The following UBAP2L variants were observed in gnomAD, a reference collection of about 807,000 sequenced individuals.
UBAP2L encodes the protein ubiquitin associated protein 2 like.
In UBAP2L, 12 loss-of-function variants were observed where a neutral mutation model predicts 130.6. That is an observed-to-expected ratio of 0.09 (90% confidence interval 0.06 to 0.15). The LOEUF (loss-of-function observed/expected upper bound fraction) is 0.15. UBAP2L is among the 10% of genes least tolerant of loss of function. UBAP2L has a pLI of 1.00. For missense variants in UBAP2L, 965 were observed against 1,332.5 expected (o/e 0.72, Z 4.29); for synonymous variants, 503 against 524.7 (o/e 0.96, Z 0.57).
chr1:154,223,412 C>A (rs982954678), intron 1 of UBAP2L, among the ~76,000 whole-genome samples: 1 of 152,130 alleles, frequency 6.6e-6, no homozygotes, highest in Non-Finnish European at 1.5e-5. Context: ...TTAGAAACTT[C>A]ATCTTAGAGC....
At position 154,270,428 on chromosome 1, in the gene UBAP2L, C is replaced by G; in HGVS notation, c.*133C>G. On this transcript the variant is annotated 3_prime_UTR_variant, in exon 27 of 27. Transcript: ENST00000428931. ...CCACCCCCAGCGGCCCACCCCATGC[C>G]TCAGCTTCATGTCTGTCCCATTCCT... 2.0e-6 allele frequency: 3 copies of G among 1,535,444 alleles called. No homozygotes were observed. Among genetic ancestry groups the G allele is most frequent in the South Asian group, 1.2e-5 (1 of 83,084 alleles).
At position 154,235,186 on chromosome 1, in the gene UBAP2L, T is replaced by G; in HGVS notation, c.449-10T>G. On this transcript the variant is annotated splice_polypyrimidine_tract_variant and intron_variant, in intron 5 of 26. Coordinates refer to ENST00000428931, the MANE Select transcript of UBAP2L (RefSeq NM_014847.4). ...TGTTGTTGTTGTTTTAATTTTTATT[T>G]TTATTTCAGTTCGAGGTCAGGAAAA... 1.3e-6 allele frequency: 1 copy of G among 758,682 alleles called. No individual in the cohort carries two copies. Among genetic ancestry groups the G allele is most frequent in the Non-Finnish European group, 2.4e-6 (1 of 409,748 alleles). The allele number at this position is 758,682 out of a possible 1,614,324, so 47.0% of individuals were successfully genotyped here. A position where few individuals can be genotyped will look rare whatever the true frequency, so the allele number is the denominator to read the frequency against.
intron 24 of UBAP2L, among the ~76,000 whole-genome samples, chr1:154,264,944 A>C (rs1314119543): frequency 1.3e-5 from 2 of 152,160 alleles, no homozygotes; most frequent in South Asian, 2.1e-4. Flanking sequence ...GATTTGCCAG[A>C]TGGGCACCTC....
chr1:154,249,934 A>AATG (rs953634108), intron 12 of UBAP2L, among the ~76,000 whole-genome samples: 1 of 151,520 alleles, frequency 6.6e-6, no homozygotes, highest in African/African-American at 2.4e-5. Context: ...TTGGGGTTTT[A>AATG]ATTATTATTA....
chr1:154,268,760 T>A lies in UBAP2L; in HGVS notation c.2974T>A (p.Ser992Thr). 6.2e-7 allele frequency: 1 copy of A among 1,614,062 alleles called. No homozygotes were observed. The highest frequency in any genetic ancestry group is 8.5e-7 in the Non-Finnish European group (1 of 1,179,986). Residue 992 changes from serine (S) to threonine (T), a missense_variant, in exon 26 of 27, where the codon TCC becomes ACC. Ser to Thr is a moderately conservative substitution (Grantham distance 58). Coordinates refer to ENST00000428931, the MANE Select transcript of UBAP2L (RefSeq NM_014847.4). The stretch of plus-strand genomic sequence containing the variant: ...CTCCTCCTGGCCTCCTGGATAGCAG[T>A]CCTTTGAGAAACAAGGTTTTCATTC... ...SGSVYSKTQQSFEKQGFHSGT... is the reference protein window; with the variant it reads ...SGSVYSKTQQTFEKQGFHSGT...
downstream of UBAP2L, chr1:154,270,956 C>T: frequency 1.3e-6 from 2 of 1,547,686 alleles, no homozygotes; most frequent in Middle Eastern, 1.7e-4. Flanking sequence ...CTAGCAGGCC[C>T]CTGAAGGCAG....
intron 10 of UBAP2L, among the ~76,000 whole-genome samples, chr1:154,244,009 C>G (rs936082665): frequency 2.6e-5 from 4 of 152,084 alleles, no homozygotes; most frequent in Non-Finnish European, 5.9e-5. Context: ...TTCTCTGAGC[C>G]CACTGAGTAT....
At position 154,270,447 on chromosome 1, in the gene UBAP2L, C is replaced by T; in HGVS notation, c.*152C>T. 1 of 1,532,160 alleles carries T rather than the reference C, an allele frequency of 6.5e-7. No individual in the cohort carries two copies. The highest frequency in any genetic ancestry group is 8.7e-7 in the Non-Finnish European group (1 of 1,144,974). The allele number at this position is 1,532,160 out of a possible 1,614,324, so 94.9% of individuals were successfully genotyped here. A position where few individuals can be genotyped will look rare whatever the true frequency, so the allele number is the denominator to read the frequency against. ...CCATGCCTCAGCTTCATGTCTGTCC[C>T]ATTCCTATACCATCCCCACCCTGTT... On this transcript the variant is annotated 3_prime_UTR_variant, in exon 27 of 27. Coordinates refer to ENST00000428931, the MANE Select transcript of UBAP2L (RefSeq NM_014847.4).
intron 4 of UBAP2L, among the ~76,000 whole-genome samples, chr1:154,229,468 G>GTAT (rs762674537): frequency 2.5e-3 from 374 of 151,612 alleles, no homozygotes; most frequent in African/African-American, 4.3e-3. Flanking sequence ...AATGAGCAGT[G>GTAT]TATTATTATT....
intron 22 of UBAP2L, 87 bp from the exon 23 acceptor site, chr1:154,260,804 CT>C (rs925886104): frequency 7.8e-7 from 1 of 1,286,414 alleles, no homozygotes; most frequent in African/African-American, 1.5e-5. Context: ...TGAACAGGAT[CT>C]CCTGGAATCA....
At position 154,241,495 on chromosome 1, in the gene UBAP2L, A is replaced by G. The variant is rs1045191713; in HGVS notation, c.704-18A>G. 1.4e-5 allele frequency: 23 copies of G among 1,612,834 alleles called. 1 individual carries two copies. The highest frequency in any genetic ancestry group is 3.3e-5 in the Admixed American group (2 of 59,862). Reference sequence around the variant, plus strand: ...CATTTAATAGTGAAGTTACTTCACTATTTTTCTTTATTCTCAGGTGCATGG... The same window carrying G: ...CATTTAATAGTGAAGTTACTTCACTGTTTTTCTTTATTCTCAGGTGCATGG... On this transcript the variant is annotated intron_variant, in intron 8 of 26. Coordinates refer to ENST00000428931, the MANE Select transcript of UBAP2L (RefSeq NM_014847.4).
At chr1:154,227,044 A>G (rs375324561) in intron 2 of UBAP2L, among the ~76,000 whole-genome samples, 1 of 152,366 alleles carries the variant, frequency 6.6e-6, no homozygotes, top group East Asian at 1.9e-4. Context: ...GCTGGTCTCA[A>G]ACTACTCACA....
chr1:154,225,001 G>A, intron 1 of UBAP2L, 83 bp from the exon 2 acceptor site: 1 of 766,732 alleles, frequency 1.3e-6, no homozygotes, highest in Non-Finnish European at 2.1e-6. Flanking sequence ...AAGTGAAAGT[G>A]TTTGGTGGTG....
intron 15 of UBAP2L, chr1:154,254,558 A>C: frequency 1.9e-6 from 1 of 517,114 alleles, no homozygotes; most frequent in Non-Finnish European, 3.4e-6. Flanking sequence ...CCTTTCCTCT[A>C]TCTGTTTTAG....
chr1:154,256,914 G>A, intron 18 of UBAP2L, 149 bp from the exon 19 acceptor site: 1 of 793,634 alleles, frequency 1.3e-6, no homozygotes, highest in Non-Finnish European at 2.0e-6. Context: ...TACTTTAGCA[G>A]GGTGTACTTT....
At chr1:154,227,618 C>T (rs1173957481) in intron 3 of UBAP2L, among the ~76,000 whole-genome samples, 1 of 151,038 alleles carries the variant, frequency 6.6e-6, no homozygotes, top group East Asian at 2.0e-4. Context: ...ATGATCTTGG[C>T]TCATTGCAGC....
intron 4 of UBAP2L, among the ~76,000 whole-genome samples, chr1:154,230,770 A>G (rs1669584791): frequency 1.3e-5 from 2 of 152,214 alleles, no homozygotes; most frequent in African/African-American, 4.8e-5. Flanking sequence ...TGGGAAGCAA[A>G]GTCAGCTCCC....
chr1:154,250,931 A>G, intron 12 of UBAP2L, 110 bp from the exon 13 acceptor site: 5 of 1,164,306 alleles, frequency 4.3e-6, no homozygotes, highest in Non-Finnish European at 6.0e-6. Context: ...GCCTGCTTAT[A>G]TGAGTTTCTG....
At position 154,254,075 on chromosome 1, in the gene UBAP2L, C is replaced by G. The variant is rs1247881102; in HGVS notation, c.1840C>G (p.Leu614Val). Residue 614 changes from leucine (L) to valine (V), a missense_variant, in exon 15 of 27, where the codon CTG becomes GTG. This residue lies in a region of UBAP2L where 393 missense variants were observed against 408.1 expected (regional missense o/e 0.96). Transcript: ENST00000428931. The stretch of plus-strand genomic sequence containing the variant: ...CATCTCTTCATCACCCCAAAAGGAC[C>G]TGACTCAGGCAAAGGTAGTGGCTTC... ...SSISSSPQKD[L>V]TQAKNGFSSV... The G allele has an allele frequency of 1.3e-6, 2 of 1,563,572 alleles. No individual in the cohort carries two copies. Among genetic ancestry groups the G allele is most frequent in the Non-Finnish European group, 1.7e-6 (2 of 1,158,836 alleles).
Sources: allele counts gnomAD v4.1 joint callset (sites outside exome capture counted in the v4.1 genomes callset), GRCh38; gene constraint gnomAD v4.1.1; regional missense constraint gnomAD v4.1.1; transcripts MANE v1.5; gene names NCBI Gene and HGNC (gene_info 2026-07-23, HGNC 2026-07-21).